GPR160: variants seen among roughly 807,000 people sequenced by gnomAD.
GPR160 encodes G protein-coupled receptor 160.
GPR160 carries 2 observed loss-of-function variants against 2.6 expected under a neutral mutation model. That is an observed-to-expected ratio of 0.77 (90% CI 0.32 to 2.44). The LOEUF (loss-of-function observed/expected upper bound fraction) is 2.44, where lower values mean the gene tolerates loss of function less well. GPR160 is among the 30% of genes most tolerant of loss of function. The pLI, the probability that GPR160 is intolerant of heterozygous loss-of-function variation, is 0.11. For missense variants in GPR160, 351 were observed against 383.6 expected (o/e 0.91, Z 0.71); for synonymous variants, 130 against 132.2 (o/e 0.98, Z 0.12).
intron 2 of GPR160, among the ~76,000 whole-genome samples, chr3:170,045,565 G>A (rs1232516031): frequency 1.3e-5 from 2 of 151,484 alleles, no homozygotes; most frequent in African/African-American, 4.9e-5. Flanking sequence ...ACTCTAGCCT[G>A]GGCGACAGAG....
At chr3:170,055,580 G>A (rs1185258964) in intron 2 of GPR160, among the ~76,000 whole-genome samples, 1 of 152,134 alleles carries the variant, frequency 6.6e-6, no homozygotes, top group East Asian at 1.9e-4. Flanking sequence ...CAAGACTAAA[G>A]GACATGATAA....
intron 2 of GPR160, among the ~76,000 whole-genome samples, chr3:170,055,712 G>A (rs1422703248): frequency 1.3e-5 from 2 of 151,998 alleles, no homozygotes; most frequent in Non-Finnish European, 2.9e-5. Flanking sequence ...CCGGCTCACT[G>A]TAAGCTCCGC....
chr3:170,052,899 A>G (rs1388179016), intron 2 of GPR160, among the ~76,000 whole-genome samples: 15 of 152,102 alleles, frequency 9.9e-5, no homozygotes, highest in Admixed American at 9.8e-4. Flanking sequence ...AATGGTGTGA[A>G]GTGGAGTTAA....
At chr3:170,051,400 G>A (rs1438778944) in intron 2 of GPR160, among the ~76,000 whole-genome samples, 1 of 152,078 alleles carries the variant, frequency 6.6e-6, no homozygotes, top group African/African-American at 2.4e-5. Context: ...GAATTTTAAG[G>A]TATATATCTG....
intron 2 of GPR160, among the ~76,000 whole-genome samples, chr3:170,041,136 A>AT (rs1469982535): frequency 6.6e-6 from 1 of 152,146 alleles, no homozygotes; most frequent in African/African-American, 2.4e-5. Flanking sequence ...GTAAATCCAC[A>AT]TTTTTTAGTC....
At chr3:170,058,528 C>T (rs1711762431) in intron 2 of GPR160, among the ~76,000 whole-genome samples, 1 of 152,212 alleles carries the variant, frequency 6.6e-6, no homozygotes, top group Non-Finnish European at 1.5e-5. Context: ...GATTTCTCAT[C>T]AGCAATAGAA....
intron 2 of GPR160, among the ~76,000 whole-genome samples, chr3:170,079,177 T>C (rs1202843376): frequency 6.6e-6 from 1 of 152,206 alleles, no homozygotes; most frequent in African/African-American, 2.4e-5. Context: ...AAGGCTGCTC[T>C]CTTCTTCGGC....
rs759416350 is a variant in GPR160, at chr3:170,084,641, T to G, written c.669T>G (p.Tyr223Ter). The change falls in exon 4 of 4, where the codon TAT becomes TAG. Residue 223 changes from tyrosine to a stop codon, truncating the protein, a stop_gained. Coordinates refer to ENST00000355897, the MANE Select transcript of GPR160 (RefSeq NM_014373.3). LOFTEE classifies it low-confidence loss of function (END_TRUNC). ...ITSYMNETILYFPFSSHSSYT... is the reference protein window; with the variant it reads ...ITSYMNETIL The stretch of plus-strand genomic sequence containing the variant: ...CCTATATGAATGAAACTATCTTATA[T>G]TTTCCTTTTTCATCCCACTCCAGTT... 13 of 1,609,396 alleles carry G rather than the reference T, an allele frequency of 8.1e-6. No individual in the cohort carries two copies. The Admixed American group carries it at 2.2e-4, about 27-fold the overall frequency.
chr3:170,049,156 C>G (rs1716852903), intron 2 of GPR160, among the ~76,000 whole-genome samples: 2 of 152,216 alleles, frequency 1.3e-5, no homozygotes, highest in Non-Finnish European at 2.9e-5. Context: ...CAGGGATCAG[C>G]AGGATCTCAT....
At chr3:170,059,792 A>G (rs1711839984) in intron 2 of GPR160, among the ~76,000 whole-genome samples, 1 of 152,088 alleles carries the variant, frequency 6.6e-6, no homozygotes, top group Non-Finnish European at 1.5e-5. Flanking sequence ...TCACCTAGGC[A>G]TTAAGCCCAG....
intron 2 of GPR160, chr3:170,057,213 T>G (rs1040255060): frequency 1.3e-5 from 2 of 152,110 alleles, no homozygotes; most frequent in African/African-American, 4.8e-5. Context: ...GAATGTAAGT[T>G]GAAATACAAA....
chr3:170,065,888 C>A (rs964378156), intron 2 of GPR160, among the ~76,000 whole-genome samples: 1 of 151,806 alleles, frequency 6.6e-6, no homozygotes, highest in African/African-American at 2.4e-5. Flanking sequence ...ATTCATGACC[C>A]CATCTGCCAA....
At chr3:170,083,227 TA>T (rs1713226661) in intron 3 of GPR160, 1 of 152,190 alleles carries the variant, frequency 6.6e-6, no homozygotes, top group African/African-American at 2.4e-5. Context: ...TACCGCTTCC[TA>T]ATGTTCTCAT....
intron 2 of GPR160, among the ~76,000 whole-genome samples, chr3:170,078,220 G>T (rs1222918984): frequency 6.6e-6 from 1 of 152,122 alleles, no homozygotes; most frequent in Non-Finnish European, 1.5e-5. Context: ...ATGCACAAGG[G>T]CAATGGGGTC....
chr3:170,054,115 A>G (rs201395201), intron 2 of GPR160, among the ~76,000 whole-genome samples: 6 of 135,018 alleles, frequency 4.4e-5, no homozygotes, highest in East Asian at 2.4e-4. Context: ...GTGTGTGTGT[A>G]TGTGTGTGTA....
intron 2 of GPR160, among the ~76,000 whole-genome samples, chr3:170,055,385 T>C (rs985590172): frequency 2.0e-5 from 3 of 152,180 alleles, no homozygotes; most frequent in Non-Finnish European, 4.4e-5. Flanking sequence ...ATAACCGTGG[T>C]TTCAGAAACC....
chr3:170,044,377 G>C (rs964708836), intron 2 of GPR160, among the ~76,000 whole-genome samples: 1 of 150,248 alleles, frequency 6.7e-6, no homozygotes, highest in African/African-American at 2.5e-5. Flanking sequence ...TTCCTTTGAG[G>C]AAATGAGAGT....
intron 2 of GPR160, among the ~76,000 whole-genome samples, chr3:170,074,112 C>T (rs1279522052): frequency 3.3e-5 from 5 of 152,020 alleles, no homozygotes; most frequent in Non-Finnish European, 5.9e-5. Context: ...TGGGCTTGAA[C>T]TCCTGACCTT....
At chr3:170,057,016 A>G (rs991173101) in intron 2 of GPR160, among the ~76,000 whole-genome samples, 1 of 152,236 alleles carries the variant, frequency 6.6e-6, no homozygotes, top group African/African-American at 2.4e-5. Flanking sequence ...GCTTGAGTGC[A>G]TACTATGTAA....
Sources: allele counts gnomAD v4.1 joint callset (sites outside exome capture counted in the v4.1 genomes callset), GRCh38; gene constraint gnomAD v4.1.1; transcripts MANE v1.5; gene names NCBI Gene and HGNC (gene_info 2026-07-23, HGNC 2026-07-21).